The following SACS variants were observed in gnomAD, a reference collection of about 807,000 sequenced individuals.
SACS encodes sacsin molecular chaperone, also known as sacsin.
SACS carries 197 observed loss-of-function variants against 348.0 expected under a neutral mutation model. The observed-to-expected ratio is 0.57, with a 90% CI of 0.50 to 0.64. The LOEUF is 0.64. Among genes scored for constraint, SACS ranks in the 30% least tolerant of loss-of-function variants. The pLI, the probability that SACS is intolerant of heterozygous loss-of-function variation, is 0.00. For missense variants in SACS, 4,999 were observed against 5,360.8 expected (o/e 0.93, Z 2.11); for synonymous variants, 1,985 against 1,910.6 (o/e 1.04, Z -1.02).
intron 6 of SACS, among the ~76,000 whole-genome samples, chr13:23,364,950 C>T (rs1464214799): frequency 6.6e-6 from 1 of 152,170 alleles, no homozygotes; most frequent in Non-Finnish European, 1.5e-5. Context: ...CATTGCTTGT[C>T]ATTTTGAGTT....
chr13:23,342,637 A>AAAT (rs1869342533), intron 9 of SACS, among the ~76,000 whole-genome samples: 1 of 152,166 alleles, frequency 6.6e-6, no homozygotes, highest in Non-Finnish European at 1.5e-5. Flanking sequence ...TTGGGGTTTC[A>AAAT]GATTTTTGGG....
In SACS at chr13:23,375,251, C is replaced by G; in HGVS notation, c.39G>C (p.Val13=). 1 of 1,479,132 alleles carries G rather than the reference C, an allele frequency of 6.8e-7. No individual in the cohort carries two copies. The highest frequency in any genetic ancestry group is 2.4e-5 in the Admixed American group (1 of 42,130). The allele number at this position is 1,479,132 out of a possible 1,614,324, so 91.6% of individuals were successfully genotyped here. ...TKENRWVPVT[V]LPGCVGCRTV... ...TCCTGCAGCCCACGCAGCCGGGGAG[C>G]ACGGTCACCGGGACCCACCTGTGGA... The change falls in exon 3 of 10, where the codon GTG becomes GTC. Residue 13 remains valine, a synonymous_variant. Coordinates refer to ENST00000382292, the MANE Select transcript of SACS (RefSeq NM_014363.6).
chr13:23,339,318 G>A lies in SACS; in HGVS notation c.4558C>T (p.Pro1520Ser), dbSNP rs1180676075. ...GAATTGTTGAATGACCACAAAGCAG[G>A]TCCATGACAAGCTGCCATCCCTGGG... ...LDPGMAACHG[P>S]ALWSFNNSQF... The change falls in exon 10 of 10, where the codon CCT (proline) becomes TCT (serine). Residue 1520 changes from proline (P) to serine (S), a missense_variant. Pro to Ser is a moderately conservative substitution (Grantham distance 74, BLOSUM62 -1). Around this residue, in one of 6 missense-constraint regions of SACS, gnomAD observed 3,156 missense variants for 3,380.1 expected, o/e 0.93. Coordinates refer to ENST00000382292, the MANE Select transcript of SACS (RefSeq NM_014363.6). The A allele has an allele frequency of 3.1e-6, 5 of 1,612,382 alleles. No homozygotes were observed. The highest frequency in any genetic ancestry group is 2.2e-5 in the East Asian group (1 of 44,874).
At chr13:23,368,730 G>A (rs1473879033) in intron 4 of SACS, among the ~76,000 whole-genome samples, 1 of 152,028 alleles carries the variant, frequency 6.6e-6, no homozygotes, top group Non-Finnish European at 1.5e-5. Flanking sequence ...ACAGAGTCTC[G>A]CTCTGTCGCC....
rs17078615 is a variant in SACS, at chr13:23,343,263, C to A, written c.2186-1573G>T. On this transcript the variant is annotated intron_variant, in intron 9 of 9. Transcript: ENST00000382292. ...ATAACATTTATAATATCAGTAGGAACAAAATGAAAAAAAATAACACCATAC... is the reference window on the plus strand; with the variant it reads ...ATAACATTTATAATATCAGTAGGAAAAAAATGAAAAAAAATAACACCATAC... Among the ~76,000 whole-genome samples, 1,269 of 151,814 alleles carry A rather than the reference C, an allele frequency of 8.4e-3. 19 individuals carry two copies. Among genetic ancestry groups the A allele is most frequent in the African/African-American group, 0.029 (1,217 of 41,426 alleles).
At chr13:23,404,239 G>A (rs180881674) in intron 2 of SACS, among the ~76,000 whole-genome samples, 3 of 152,228 alleles carry the variant, frequency 2.0e-5, no homozygotes, top group East Asian at 1.9e-4. Context: ...GGAGAGTTCC[G>A]TAGATGTTGG....
At position 23,341,056 on chromosome 13, in the gene SACS, A is replaced by C. The variant is rs1869163209; in HGVS notation, c.2820T>G (p.Ser940=). Residue 940 remains serine (S), a synonymous_variant, in exon 10 of 10, where the codon TCT becomes TCG. Transcript: ENST00000382292. ...CTTTACAACCTTTCAATTTTGTATA[A>C]GAGGAAATTCCCTGATCAGAAGAAT... ...INHSSDQGIS[S]YTKLKGCKVL... is the part of the protein sequence containing the mutation. 1.2e-6 allele frequency: 2 copies of C among 1,614,048 alleles called. No homozygotes were observed. The highest frequency in any genetic ancestry group is 1.7e-5 in the Admixed American group (1 of 60,012).
At chr13:23,412,086 C>A (rs1003991862) in intron 1 of SACS, among the ~76,000 whole-genome samples, 2 of 152,076 alleles carry the variant, frequency 1.3e-5, no homozygotes, top group African/African-American at 4.8e-5. Flanking sequence ...GGTGAAACCC[C>A]GTCTCTACTA....
In SACS at chr13:23,355,527, T is replaced by C. The variant is rs749873153; in HGVS notation, c.1085A>G (p.Lys362Arg). Residue 362 changes from lysine to arginine, a missense_variant, in exon 8 of 10, where the codon AAG (lysine) becomes AGG (arginine). Coordinates refer to ENST00000382292, the MANE Select transcript of SACS (RefSeq NM_014363.6). ...LGTAISNYCK[K>R]TPSNNITCVT... ...ACAGGTGATGTTATTGCTTGGAGTCTTTTTACAATAGTTACTTATAGCAGT... is the reference window on the plus strand; with the variant it reads ...ACAGGTGATGTTATTGCTTGGAGTCCTTTTACAATAGTTACTTATAGCAGT... 6 of 1,614,156 alleles carry C rather than the reference T, an allele frequency of 3.7e-6. No individual in the cohort carries two copies. In the South Asian group the frequency reaches 5.5e-5, roughly 15 times the overall value.
chr13:23,418,227 A>G (rs1241398472), intron 1 of SACS, among the ~76,000 whole-genome samples: 3 of 152,204 alleles, frequency 2.0e-5, no homozygotes. Flanking sequence ...AACCTAAGAG[A>G]AAAGCAGAAA....
chr13:23,394,856 A>T (rs1872652260), intron 2 of SACS, among the ~76,000 whole-genome samples: 1 of 152,212 alleles, frequency 6.6e-6, no homozygotes. Context: ...CTCCCTCTCG[A>T]AAACAAACAA....
At chr13:23,394,505 T>C (rs902638498) in intron 2 of SACS, among the ~76,000 whole-genome samples, 3 of 152,196 alleles carry the variant, frequency 2.0e-5, no homozygotes, top group Non-Finnish European at 4.4e-5. Context: ...TTTAAACAAA[T>C]GTCAGAATAA....
chr13:23,407,003 C>G (rs1206677753), intron 2 of SACS, among the ~76,000 whole-genome samples: 2 of 152,314 alleles, frequency 1.3e-5, no homozygotes, highest in South Asian at 2.1e-4. Flanking sequence ...CTTCCACACT[C>G]TGCTCCAGGA....
chr13:23,355,676 A>T lies in SACS; in HGVS notation c.936T>A (p.Ser312Arg). 1 of 1,614,172 alleles carries T rather than the reference A, an allele frequency of 6.2e-7. No individual in the cohort carries two copies. Among genetic ancestry groups the T allele is most frequent in the South Asian group, 1.1e-5 (1 of 91,082 alleles). Residue 312 changes from serine to arginine, a missense_variant, in exon 8 of 10, where the codon AGT (serine) becomes AGA (arginine). Around this residue, in one of 6 missense-constraint regions of SACS, gnomAD observed 3,156 missense variants for 3,380.1 expected, o/e 0.93. Coordinates refer to ENST00000382292, the MANE Select transcript of SACS (RefSeq NM_014363.6). The part of the protein sequence containing the change: ...DADTVLLFLK[S>R]VQDVSLYVRE... ...GGACATATAAGGAAACATCCTGCACACTTTTCAGAAAGAGCAGCACTGTGT... is the reference window on the plus strand; with the variant it reads ...GGACATATAAGGAAACATCCTGCACTCTTTTCAGAAAGAGCAGCACTGTGT...
chr13:23,370,079 T>TG (rs1415070350), intron 4 of SACS, among the ~76,000 whole-genome samples: 1 of 151,568 alleles, frequency 6.6e-6, no homozygotes, highest in Non-Finnish European at 1.5e-5. Flanking sequence ...AGGATGGTCT[T>TG]GATCTCCTGA....
Position 23,335,087 on chromosome 13 carries a change from T to C in SACS, c.8789A>G (p.Lys2930Arg). ...ATCAGAACCAGGGAAATACCGTTTTTTTAACTGTATTAGCAATTCAACATA... is the reference window on the plus strand; with the variant it reads ...ATCAGAACCAGGGAAATACCGTTTTCTTAACTGTATTAGCAATTCAACATA... ...PAYVELLIQL[K>R]KRYFPGSDPT... The change falls in exon 10 of 10, where the codon AAA (lysine) becomes AGA (arginine). Residue 2930 changes from lysine to arginine, a missense_variant. By Grantham distance (26) the Lys-to-Arg change is conservative (BLOSUM62 2). This residue lies in a region of SACS where 734 missense variants were observed against 694.0 expected (regional missense o/e 1.06). Transcript: ENST00000382292. The surrounding 1 kb of genome is among the most constrained non-coding windows in gnomAD (Gnocchi z 4.7). 1 of 1,613,696 alleles carries C rather than the reference T, an allele frequency of 6.2e-7. No homozygotes were observed. The highest frequency in any genetic ancestry group is 1.1e-5 in the South Asian group (1 of 91,034).
intron 2 of SACS, among the ~76,000 whole-genome samples, chr13:23,398,611 T>C (rs530877926): frequency 2.6e-5 from 4 of 151,764 alleles, no homozygotes; most frequent in African/African-American, 9.7e-5. Flanking sequence ...TTCCAGGCTA[T>C]AGGTAAATTT....
rs906404654 is a variant in SACS, at chr13:23,330,025, T to G, written c.*111A>C. On this transcript the variant is annotated 3_prime_UTR_variant, in exon 10 of 10. Transcript: ENST00000382292. ...ACTCCAGAATTCTCCAAGAACAATC[T>G]GCAATGTGCTTAACAATTCCTAGCT... 8.3e-6 allele frequency: 8 copies of G among 958,638 alleles called. No individual in the cohort carries two copies. The highest frequency in any genetic ancestry group is 1.3e-5 in the Non-Finnish European group (8 of 623,072). 59.4% of individuals were successfully genotyped at this position (958,638 alleles called of 1,614,324 possible). A position where few individuals can be genotyped will look rare whatever the true frequency, so the allele number is the denominator to read the frequency against.
At chr13:23,431,700 T>G (rs537297116) in intron 1 of SACS, among the ~76,000 whole-genome samples, 1 of 152,180 alleles carries the variant, frequency 6.6e-6, no homozygotes, top group African/African-American at 2.4e-5. Flanking sequence ...CCTTCCTTCT[T>G]CCAAAGAATA....
Sources: allele counts gnomAD v4.1 joint callset (sites outside exome capture counted in the v4.1 genomes callset), GRCh38; gene constraint gnomAD v4.1.1; regional missense constraint gnomAD v4.1.1; non-coding constraint Gnocchi (gnomAD v3.1); transcripts MANE v1.5; gene names NCBI Gene and HGNC (gene_info 2026-07-23, HGNC 2026-07-21).